Variants in HDAC9 observed in about 807,000 individuals in gnomAD.
The protein encoded by HDAC9 is histone deacetylase 9, also known as MEF-2 interacting transcription repressor (MITR) protein.
In HDAC9, 41 loss-of-function variants were observed where a neutral mutation model predicts 139.4. The observed-to-expected ratio is 0.29, with a 90% CI of 0.23 to 0.38. The LOEUF (loss-of-function observed/expected upper bound fraction) is 0.38, where lower values mean the gene tolerates loss of function less well. HDAC9 is among the 10% of genes least tolerant of loss of function. HDAC9 has a pLI of 1.00. For missense variants in HDAC9, 1,147 were observed against 1,297.0 expected (o/e 0.88, Z 1.78); for synonymous variants, 517 against 476.2 (o/e 1.09, Z -1.12).
intron 23 of HDAC9, among the ~76,000 whole-genome samples, chr7:18,946,683 A>C (rs1247096686): frequency 6.6e-6 from 1 of 152,110 alleles, no homozygotes; most frequent in Non-Finnish European, 1.5e-5. Flanking sequence ...AAAGAACCAA[A>C]TGAAAAAATT....
intron 1 of HDAC9, among the ~76,000 whole-genome samples, chr7:18,485,017 A>G (rs1029038774): frequency 2.6e-5 from 4 of 152,164 alleles, no homozygotes; most frequent in African/African-American, 4.8e-5. Context: ...CTGCTTCATT[A>G]CAAAAAACAG....
At chr7:18,385,713 A>G (rs1785859633) in intron 1 of HDAC9, among the ~76,000 whole-genome samples, 1 of 152,228 alleles carries the variant, frequency 6.6e-6, no homozygotes. Flanking sequence ...TCTAAACAAC[A>G]TGATAGTGAC....
chr7:18,272,489 G>T (rs1796415833), intron 2 of HDAC9, among the ~76,000 whole-genome samples: 1 of 152,046 alleles, frequency 6.6e-6, no homozygotes, highest in African/African-American at 2.4e-5. Flanking sequence ...AATTTAAAAT[G>T]TTTAATGAGA....
Position 18,993,089 on chromosome 7 carries a change from T to G in HDAC9, c.3171-2934T>G, listed in dbSNP as rs73308908. On this transcript the variant is annotated intron_variant, in intron 25 of 25. Coordinates refer to ENST00000686413, the MANE Select transcript of HDAC9 (RefSeq NM_178425.4). ...TTAAAGGGTCATCACTCACCAGATA[T>G]CTTTCTAAATGTTCCATAAAGAAAT... 4.3e-3 allele frequency among the ~76,000 whole-genome samples: 658 copies of G among 152,306 alleles called. 6 individuals carry two copies. Among genetic ancestry groups the G allele is most frequent in the African/African-American group, 0.015 (635 of 41,554 alleles).
Position 18,509,528 on chromosome 7 carries a change from A to C in HDAC9, c.22+13204A>C, listed in dbSNP as rs554659341. 456 of 794,924 alleles carry C rather than the reference A, an allele frequency of 5.7e-4. 1 individual carries two copies. Among genetic ancestry groups the C allele is most frequent in the Non-Finnish European group, 6.6e-4 (430 of 656,190 alleles). The allele number at this position is 794,924 out of a possible 1,614,324, so 49.2% of individuals were successfully genotyped here. ...TGAGTCCTTGAAAGCTGTATTTTTTAAATGAGGCTGCTTGTTTATCTGTTT... is the reference window on the plus strand; with the variant it reads ...TGAGTCCTTGAAAGCTGTATTTTTTCAATGAGGCTGCTTGTTTATCTGTTT... On this transcript the variant is annotated intron_variant, in intron 2 of 25. Transcript: ENST00000686413.
At chr7:18,389,024 T>C (rs899055216) in intron 1 of HDAC9, among the ~76,000 whole-genome samples, 3 of 152,180 alleles carry the variant, frequency 2.0e-5, no homozygotes, top group Admixed American at 6.5e-5. Context: ...TCTTGAACCC[T>C]CTTGTTCGCT....
At position 18,786,486 on chromosome 7, in the gene HDAC9, C is replaced by CTTCCTTCCTTCCTTCCTTCCTTCA. The variant is rs1791750143; in HGVS notation, c.2215-6838_2215-6837insTCATTCCTTCCTTCCTTCCTTCCT. Among the ~76,000 whole-genome samples, 15 of 32,686 alleles carry CTTCCTTCCTTCCTTCCTTCCTTCA rather than the reference C, an allele frequency of 4.6e-4. 1 individual carries two copies. The highest frequency in any genetic ancestry group is 1.0e-3 in the African/African-American group (15 of 14,680). The allele number at this position is 32,686 out of a possible 152,430, so 21.4% of individuals were successfully genotyped here. On this transcript the variant is annotated intron_variant, in intron 16 of 25. Coordinates refer to ENST00000686413, the MANE Select transcript of HDAC9 (RefSeq NM_178425.4). ...CCTTCCTTTCGTCCTTCCTTCCTTT[C>CTTCCTTCCTTCCTTCCTTCCTTCA]TTCCTTCCTTCCTTCCTTCCTCTCT...
intron 12 of HDAC9, among the ~76,000 whole-genome samples, chr7:18,674,069 A>G (rs189797987): frequency 1.3e-5 from 2 of 152,068 alleles, no homozygotes; most frequent in African/African-American, 4.8e-5. Flanking sequence ...AGTGGGATAG[A>G]TGATCTTGTA....
chr7:18,946,036 CAAAAAAAAAAAAAAAAAAAA>C (rs1171055959), intron 23 of HDAC9, among the ~76,000 whole-genome samples: 84 of 38,276 alleles, frequency 2.2e-3, no homozygotes, highest in African/African-American at 5.6e-3. Context: ...GACTCCGTCT[CAAAAAAAAAAAAAAAAAAAA>C]AAAAAAAAAA....
chr7:18,382,658 C>G (rs2128714973), intron 1 of HDAC9, among the ~76,000 whole-genome samples: 1 of 152,270 alleles, frequency 6.6e-6, no homozygotes, highest in South Asian at 2.1e-4. Context: ...GATACGATGT[C>G]ATTGTCTACC....
At chr7:18,162,240 G>T in exon 2 of HDAC9, 2 of 1,256,992 alleles carry the variant, frequency 1.6e-6, no homozygotes, top group Non-Finnish European at 2.2e-6. Flanking sequence ...TTTCTCCTCT[G>T]CCAACCCCTC....
At chr7:18,144,360 CA>C (rs1419896632) in intron 1 of HDAC9, among the ~76,000 whole-genome samples, 12 of 152,132 alleles carry the variant, frequency 7.9e-5, no homozygotes, top group African/African-American at 2.9e-4. Flanking sequence ...TCTGGTCCAC[CA>C]AATCAGAAAC....
rs1028269991 is a variant in HDAC9, at chr7:18,473,268, G to A, written c.-41-22994G>A. Among the ~76,000 whole-genome samples, 4 of 152,312 alleles carry A rather than the reference G, an allele frequency of 2.6e-5. No homozygotes were observed. In the East Asian group the frequency reaches 5.8e-4, roughly 22 times the overall value. Reference sequence around the variant, plus strand: ...TTTGTAGGGTTCAGCAGAGAATTTTGTCAGGTTAGGAAGAAGTAACATATG... The same window carrying A: ...TTTGTAGGGTTCAGCAGAGAATTTTATCAGGTTAGGAAGAAGTAACATATG... On this transcript the variant is annotated intron_variant, in intron 1 of 3. Coordinates refer to the HDAC9 transcript ENST00000413509.
chr7:18,136,330 G>A (rs1018457838), intron 1 of HDAC9, among the ~76,000 whole-genome samples: 2 of 152,088 alleles, frequency 1.3e-5, no homozygotes, highest in Non-Finnish European at 2.9e-5. Flanking sequence ...TGTCAATTTT[G>A]TCCTTTGTTG....
At chr7:18,863,262 A>G (rs1327316964) in intron 21 of HDAC9, among the ~76,000 whole-genome samples, 1 of 152,166 alleles carries the variant, frequency 6.6e-6, no homozygotes, top group East Asian at 1.9e-4. Flanking sequence ...AGAGGGCATC[A>G]CTGGGTATAA....
chr7:18,216,150 CAGAG>C (rs1416533210), intron 2 of HDAC9, among the ~76,000 whole-genome samples: 7 of 148,606 alleles, frequency 4.7e-5, no homozygotes, highest in African/African-American at 1.0e-4. Context: ...GAGAGAGAGA[CAGAG>C]AGAGTTTGAG....
chr7:18,465,976 A>G (rs1794238049), intron 1 of HDAC9, among the ~76,000 whole-genome samples: 2 of 152,336 alleles, frequency 1.3e-5, no homozygotes, highest in South Asian at 4.1e-4. Context: ...TGATCTGGAA[A>G]TTCAGTAAGG....
chr7:18,544,594 G>A (rs1814137950), intron 2 of HDAC9, among the ~76,000 whole-genome samples: 2 of 152,126 alleles, frequency 1.3e-5, no homozygotes, highest in African/African-American at 4.8e-5. Flanking sequence ...AAGTTCTGAG[G>A]TCTGAACTCT....
intron 1 of HDAC9, among the ~76,000 whole-genome samples, chr7:18,461,140 A>G (rs1410042120): frequency 1.3e-5 from 2 of 152,204 alleles, no homozygotes; most frequent in Non-Finnish European, 2.9e-5. Context: ...ACATACACAC[A>G]TATATTTCTC....
Sources: gnomAD v4.1 joint callset for allele counts (sites outside exome capture counted in the v4.1 genomes callset) on GRCh38, gnomAD v4.1.1 for gene constraint, MANE v1.5 for transcripts, NCBI Gene and HGNC (gene_info 2026-07-23, HGNC 2026-07-21) for gene names.